GNAQ: variants seen among roughly 807,000 people sequenced by gnomAD.
The protein encoded by GNAQ is G protein subunit alpha q, also known as guanine nucleotide-binding protein G(q) subunit alpha.
In GNAQ, 8 loss-of-function variants were observed where a neutral mutation model predicts 43.9. The ratio of observed to expected loss-of-function variants is 0.18; its 90% CI spans 0.11 to 0.33. The LOEUF (loss-of-function observed/expected upper bound fraction) is 0.33. Ranked by LOEUF, GNAQ falls within the 10% of genes least tolerant of loss-of-function variation. GNAQ has a pLI of 1.00. For synonymous variants in GNAQ, 155 were observed against 170.7 expected, an observed-to-expected ratio of 0.91 and a Z score of 0.71; for missense variants, 158 against 450.8, an observed-to-expected ratio of 0.35 and a Z score of 5.88.
intron 5 of GNAQ, among the ~76,000 whole-genome samples, chr9:77,760,890 C>A (rs537627503): frequency 8.6e-4 from 129 of 149,158 alleles, no homozygotes; most frequent in Middle Eastern, 6.9e-3. Context: ...GTGCCTCTGC[C>A]CGGTCGCGAC....
intron 1 of GNAQ, among the ~76,000 whole-genome samples, chr9:77,950,681 G>A (rs1822963586): frequency 1.3e-5 from 2 of 152,178 alleles, no homozygotes; most frequent in Non-Finnish European, 2.9e-5. Context: ...AGCACGCACA[G>A]CATTTGTTTT....
rs34650547 is a variant in GNAQ, at chr9:77,965,838, C to CA, written c.137-43494dup. Among the ~76,000 whole-genome samples, 168 of 129,976 alleles carry CA rather than the reference C, an allele frequency of 1.3e-3. 1 individual carries two copies. The highest frequency in any genetic ancestry group is 2.6e-3 in the East Asian group (11 of 4,268). The allele number at this position is 129,976 out of a possible 152,430, so 85.3% of individuals were successfully genotyped here. ...TTCCAGTCCTTGGATTTACTCCGAGCAAAAAAAAAAAAAAAAGGCACGTAT... is the reference window on the plus strand; with the variant it reads ...TTCCAGTCCTTGGATTTACTCCGAGCAAAAAAAAAAAAAAAAAGGCACGTAT... On this transcript the variant is annotated intron_variant, in intron 1 of 6. Coordinates refer to ENST00000286548, the MANE Select transcript of GNAQ (RefSeq NM_002072.5).
intron 5 of GNAQ, among the ~76,000 whole-genome samples, chr9:77,731,630 T>C (rs182292312): frequency 2.6e-5 from 4 of 152,304 alleles, no homozygotes; most frequent in East Asian, 1.9e-4. Context: ...TCCAGGTGAT[T>C]TGAATGCACA....
At position 77,880,365 on chromosome 9, in the gene GNAQ, T is replaced by G. The variant is rs533072143; in HGVS notation, c.321+41796A>C. Among the ~76,000 whole-genome samples, 14 of 152,260 alleles carry G rather than the reference T, an allele frequency of 9.2e-5. No individual in the cohort carries two copies. In the East Asian group the frequency reaches 2.7e-3, roughly 29 times the overall value. On this transcript the variant is annotated intron_variant, in intron 2 of 6. Coordinates refer to ENST00000286548, the MANE Select transcript of GNAQ (RefSeq NM_002072.5). ...CAGCCAGTAAGTCAAGATATCTTGG[T>G]GGACCGTATTTTCTTTTCTTTTTTA...
At chr9:78,015,504 T>C (rs1199530403) in intron 1 of GNAQ, among the ~76,000 whole-genome samples, 1 of 152,136 alleles carries the variant, frequency 6.6e-6, no homozygotes, top group Non-Finnish European at 1.5e-5. Flanking sequence ...TCACACACAA[T>C]ATAAGGAAGC....
intron 5 of GNAQ, among the ~76,000 whole-genome samples, chr9:77,733,150 C>T (rs748814689): frequency 2.0e-5 from 3 of 152,208 alleles, no homozygotes; most frequent in South Asian, 2.1e-4. Context: ...AAGATGGGTA[C>T]CTGCTCCCTG....
At chr9:78,030,446 C>T in intron 1 of GNAQ, 1 of 460,186 alleles carries the variant, frequency 2.2e-6, no homozygotes, top group Non-Finnish European at 4.5e-6. Context: ...CACATTTGGG[C>T]TTGCCCTCCC....
chr9:77,785,507 C>A (rs1285135013), intron 5 of GNAQ, among the ~76,000 whole-genome samples: 1 of 152,108 alleles, frequency 6.6e-6, no homozygotes, highest in Non-Finnish European at 1.5e-5. Flanking sequence ...CATATGTATT[C>A]CCTGTGAACC....
intron 1 of GNAQ, among the ~76,000 whole-genome samples, chr9:77,938,175 A>T (rs903132445): frequency 6.6e-6 from 1 of 152,178 alleles, no homozygotes; most frequent in Admixed American, 6.5e-5. Flanking sequence ...CTATGTTAAT[A>T]GTTGTTATAC....
intron 2 of GNAQ, among the ~76,000 whole-genome samples, chr9:77,885,768 A>C (rs570343525): frequency 1.3e-5 from 2 of 152,132 alleles, no homozygotes; most frequent in Admixed American, 1.3e-4. Flanking sequence ...TTGAAAGAGA[A>C]AACTAGGAAG....
chr9:77,835,072 G>GT (rs1439830889), intron 2 of GNAQ, among the ~76,000 whole-genome samples: 4 of 151,968 alleles, frequency 2.6e-5, no homozygotes, highest in African/African-American at 4.8e-5. Flanking sequence ...CTATACATAC[G>GT]TAACTGTGCA....
At chr9:78,024,488 T>A (rs1351724984) in intron 1 of GNAQ, among the ~76,000 whole-genome samples, 1 of 152,192 alleles carries the variant, frequency 6.6e-6, no homozygotes, top group Admixed American at 6.5e-5. Flanking sequence ...GATCTTTGCC[T>A]TCACGGAGCT....
chr9:77,847,520 T>C (rs1827606873), intron 2 of GNAQ, among the ~76,000 whole-genome samples: 1 of 152,080 alleles, frequency 6.6e-6, no homozygotes, highest in Non-Finnish European at 1.5e-5. Context: ...GAAGGGTGGG[T>C]AGTATAATTT....
chr9:77,988,454 C>T (rs1233388006), intron 1 of GNAQ, among the ~76,000 whole-genome samples: 1 of 152,164 alleles, frequency 6.6e-6, no homozygotes, highest in East Asian at 1.9e-4. Flanking sequence ...CTGGTATCTT[C>T]CATCAATGGA....
At chr9:77,772,293 C>T (rs565848850) in intron 5 of GNAQ, among the ~76,000 whole-genome samples, 1 of 152,148 alleles carries the variant, frequency 6.6e-6, no homozygotes, top group African/African-American at 2.4e-5. Context: ...AGATGCTGCT[C>T]ATGACCCCAT....
At chr9:77,950,798 TAATAG>T (rs1822964561) in intron 1 of GNAQ, among the ~76,000 whole-genome samples, 1 of 151,928 alleles carries the variant, frequency 6.6e-6, no homozygotes, top group South Asian at 2.1e-4. Flanking sequence ...GGGTAGAAAA[TAATAG>T]GTAGAAAGCA....
intron 1 of GNAQ, among the ~76,000 whole-genome samples, chr9:77,922,864 C>T (rs1420463561): frequency 1.3e-5 from 2 of 152,108 alleles, no homozygotes; most frequent in African/African-American, 4.8e-5. Context: ...GCGTCTTGCT[C>T]TGTAATGCAG....
chr9:77,762,551 G>T (rs1438427695), intron 5 of GNAQ, among the ~76,000 whole-genome samples: 1 of 149,860 alleles, frequency 6.7e-6, no homozygotes, highest in African/African-American at 2.4e-5. Context: ...CCCCTACTGG[G>T]AAGTGAGGAG....
intron 1 of GNAQ, among the ~76,000 whole-genome samples, chr9:77,960,451 C>T (rs796712558): frequency 6.6e-6 from 1 of 152,214 alleles, no homozygotes; most frequent in African/African-American, 2.4e-5. Flanking sequence ...CCCTTAGTTG[C>T]CCTGTTACCC....
Sources: allele counts gnomAD v4.1 joint callset (sites outside exome capture counted in the v4.1 genomes callset), GRCh38; gene constraint gnomAD v4.1.1; transcripts MANE v1.5; gene names NCBI Gene and HGNC (gene_info 2026-07-23, HGNC 2026-07-21).